Variants in SPAST observed in about 807,000 individuals in gnomAD.
SPAST encodes spastin.
Under a neutral mutation model 76.6 loss-of-function variants are expected in SPAST, and 30 were observed. The ratio of observed to expected loss-of-function variants is 0.39; its 90% CI spans 0.29 to 0.53. The LOEUF (loss-of-function observed/expected upper bound fraction) is 0.53, where lower values mean the gene tolerates loss of function less well. Among genes scored for constraint, SPAST ranks in the 20% least tolerant of loss-of-function variants. The pLI is 0.68. For synonymous variants in SPAST, 305 were observed against 281.0 expected (o/e 1.09, Z -0.86); for missense variants, 717 against 770.5 (o/e 0.93, Z 0.82).
intron 7 of SPAST, among the ~76,000 whole-genome samples, chr2:32,117,774 C>G (rs912911678): frequency 6.6e-6 from 1 of 152,032 alleles, no homozygotes; most frequent in African/African-American, 2.4e-5. Flanking sequence ...TCAGATGATC[C>G]GCCCACCTTG....
chr2:32,111,480 A>G (rs1678604748), intron 4 of SPAST, among the ~76,000 whole-genome samples: 1 of 150,592 alleles, frequency 6.6e-6, no homozygotes. Context: ...TTACATATAC[A>G]TATAGTTATT....
intron 4 of SPAST, among the ~76,000 whole-genome samples, chr2:32,107,306 C>A (rs1015905210): frequency 8.6e-5 from 13 of 151,930 alleles, no homozygotes; most frequent in African/African-American, 3.1e-4. Flanking sequence ...AATCTTGGCT[C>A]ACTGCAACCT....
chr2:32,097,888 C>T (rs1457566700), intron 3 of SPAST, among the ~76,000 whole-genome samples: 1 of 151,754 alleles, frequency 6.6e-6, no homozygotes, highest in Non-Finnish European at 1.5e-5. Context: ...TTAGTAGAGA[C>T]AGGGTTTCAC....
chr2:32,083,776 A>ATTTTTTTTTTTTTTTTTTTTTT (rs1178658126), intron 1 of SPAST, among the ~76,000 whole-genome samples: 2 of 46,070 alleles, frequency 4.3e-5, no homozygotes, highest in African/African-American at 8.9e-5. Context: ...ATATATATAT[A>ATTTTTTTTTTTTTTTTTTTTTT]TTTTTTTTTT....
intron 4 of SPAST, among the ~76,000 whole-genome samples, chr2:32,113,560 CTTTT>C (rs10534612): frequency 4.4e-5 from 4 of 90,946 alleles, no homozygotes; most frequent in African/African-American, 1.3e-4. Flanking sequence ...TGCTTCATAA[CTTTT>C]TTTTTTTTTT....
chr2:32,084,222 C>T (rs188695909), intron 1 of SPAST, among the ~76,000 whole-genome samples: 18 of 151,654 alleles, frequency 1.2e-4, no homozygotes, highest in Admixed American at 9.2e-4. Flanking sequence ...CCCAGGCTGG[C>T]GTGCAGTGGC....
Position 32,136,787 on chromosome 2 carries a change from A to G in SPAST, c.1322-90A>G, listed in dbSNP as rs546940023. Reference sequence around the variant, plus strand: ...CTATCTAATGAATTTAGTAGGACCCACTATATTAATAAGTAGTAAACTAGA... The same window carrying G: ...CTATCTAATGAATTTAGTAGGACCCGCTATATTAATAAGTAGTAAACTAGA... On this transcript the variant is annotated intron_variant, in intron 10 of 16. Transcript: ENST00000315285. The G allele has an allele frequency of 4.6e-5, 56 of 1,221,290 alleles. No individual in the cohort carries two copies. The South Asian group carries it at 6.7e-4, about 15-fold the overall frequency. The allele number at this position is 1,221,290 out of a possible 1,614,324, so 75.7% of individuals were successfully genotyped here.
chr2:32,089,058 A>G (rs977381139), intron 2 of SPAST, among the ~76,000 whole-genome samples: 5 of 151,786 alleles, frequency 3.3e-5, no homozygotes, highest in Admixed American at 1.3e-4. Flanking sequence ...ATTTTTTTTT[A>G]TAGGTATTAT....
intron 1 of SPAST, among the ~76,000 whole-genome samples, chr2:32,082,415 G>T (rs764589833): frequency 3.0e-4 from 45 of 152,218 alleles, no homozygotes; most frequent in Non-Finnish European, 6.0e-4. Context: ...AATCAGATCT[G>T]CTGGGCACGG....
At chr2:32,072,769 A>G (rs1676802989) in intron 1 of SPAST, among the ~76,000 whole-genome samples, 1 of 152,216 alleles carries the variant, frequency 6.6e-6, no homozygotes, top group Non-Finnish European at 1.5e-5. Flanking sequence ...TAGAAATCAG[A>G]AGTGTCAGAT....
intron 7 of SPAST, among the ~76,000 whole-genome samples, chr2:32,125,825 T>C (rs1351761736): frequency 2.0e-5 from 3 of 152,074 alleles, no homozygotes; most frequent in African/African-American, 4.8e-5. Flanking sequence ...GACGGAGTTT[T>C]GCTCTGTCGC....
At chr2:32,080,757 C>A (rs1310294273) in intron 1 of SPAST, among the ~76,000 whole-genome samples, 1 of 128,704 alleles carries the variant, frequency 7.8e-6, no homozygotes, top group Non-Finnish European at 1.6e-5. Context: ...ATATGGGTTT[C>A]AGTTCTTGTA....
chr2:32,140,576 CA>C (rs1272052921), intron 12 of SPAST, among the ~76,000 whole-genome samples: 1 of 151,556 alleles, frequency 6.6e-6, no homozygotes, highest in Non-Finnish European at 1.5e-5. Context: ...AAGACGGCGG[CA>C]CTGTACTCTA....
Position 32,134,683 on chromosome 2 carries a change from A to G in SPAST, c.1246-1880A>G, listed in dbSNP as rs145005439. 2.3e-4 allele frequency among the ~76,000 whole-genome samples: 35 copies of G among 152,170 alleles called. No individual in the cohort carries two copies. In the East Asian group the frequency reaches 6.8e-3, roughly 29 times the overall value. ...AGTATTGTTGTGGAAGTTAGGAGAT[A>G]GGGATTCTAGCCTAGCTTTTTATTT... On this transcript the variant is annotated intron_variant, in intron 9 of 16. Transcript: ENST00000315285.
At chr2:32,148,084 C>T (rs1284493656) in intron 16 of SPAST, among the ~76,000 whole-genome samples, 2 of 151,922 alleles carry the variant, frequency 1.3e-5, no homozygotes, top group Non-Finnish European at 2.9e-5. Context: ...AGGCAAGTGC[C>T]ACAACGCCCC....
At chr2:32,105,091 G>A (rs1285156259) in intron 4 of SPAST, among the ~76,000 whole-genome samples, 1 of 152,092 alleles carries the variant, frequency 6.6e-6, no homozygotes, top group Non-Finnish European at 1.5e-5. Flanking sequence ...AGGTACACCC[G>A]TCAGACATAG....
At chr2:32,083,774 A>ATTTT (rs1333329179) in intron 1 of SPAST, among the ~76,000 whole-genome samples, 8 of 54,390 alleles carry the variant, frequency 1.5e-4, no homozygotes, top group African/African-American at 2.2e-4. Flanking sequence ...ATATATATAT[A>ATTTT]TATTTTTTTT....
intron 4 of SPAST, 113 bp from the exon 5 acceptor site, chr2:32,114,525 A>G: frequency 2.5e-6 from 2 of 816,216 alleles, no homozygotes; most frequent in Non-Finnish European, 4.0e-6. Context: ...TCTTATTTTG[A>G]AATATTTTTG....
intron 2 of SPAST, among the ~76,000 whole-genome samples, chr2:32,088,418 G>A (rs1298735582): frequency 6.6e-6 from 1 of 152,190 alleles, no homozygotes; most frequent in Non-Finnish European, 1.5e-5. Flanking sequence ...GCCGAGGTGG[G>A]CGAATCACCT....
Sources: allele counts gnomAD v4.1 joint callset (sites outside exome capture counted in the v4.1 genomes callset), GRCh38; gene constraint gnomAD v4.1.1; transcripts MANE v1.5; gene names NCBI Gene and HGNC (gene_info 2026-07-23, HGNC 2026-07-21).